The following GAS7 variants were observed in gnomAD, a reference collection of about 807,000 sequenced individuals.
GAS7 encodes the protein growth arrest-specific protein 7.
GAS7 carries 28 observed loss-of-function variants against 71.1 expected under a neutral mutation model. The observed-to-expected ratio is 0.39, with a 90% CI of 0.29 to 0.54. GAS7 has a LOEUF of 0.54. Among genes scored for constraint, GAS7 ranks in the 20% least tolerant of loss-of-function variants. The probability of loss-of-function intolerance (pLI) is 0.62; values close to 1 mark genes in which losing one functional copy is unlikely to be tolerated. For synonymous variants in GAS7, 258 were observed against 245.8 expected, an observed-to-expected ratio of 1.05 and a Z score of -0.46; for missense variants, 436 against 627.8, an observed-to-expected ratio of 0.69 and a Z score of 3.27.
At chr17:10,048,171 G>A (rs2152234129) in intron 1 of GAS7, among the ~76,000 whole-genome samples, 1 of 152,228 alleles carries the variant, frequency 6.6e-6, no homozygotes, top group Non-Finnish European at 1.5e-5. Context: ...GCATGGTGGT[G>A]CGCACCTGTA....
intron 1 of GAS7, among the ~76,000 whole-genome samples, chr17:10,126,573 C>T (rs956362470): frequency 6.0e-5 from 9 of 149,890 alleles, no homozygotes; most frequent in Non-Finnish European, 7.4e-5. Context: ...CACACACTCT[C>T]GAAAACACAC....
chr17:9,928,045 C>G (rs1261365417), intron 9 of GAS7, among the ~76,000 whole-genome samples: 1 of 152,116 alleles, frequency 6.6e-6, no homozygotes, highest in African/African-American at 2.4e-5. Context: ...TCCCACCCCC[C>G]TTTAAAAGAA....
intron 1 of GAS7, among the ~76,000 whole-genome samples, chr17:10,065,698 T>C (rs895188584): frequency 6.6e-6 from 1 of 152,196 alleles, no homozygotes; most frequent in African/African-American, 2.4e-5. Flanking sequence ...CTAAATAAAA[T>C]AACATTCCCA....
intron 1 of GAS7, among the ~76,000 whole-genome samples, chr17:10,089,071 G>A (rs948995837): frequency 1.3e-5 from 2 of 152,154 alleles, no homozygotes; most frequent in Non-Finnish European, 1.5e-5. Flanking sequence ...TGAGGCAGGA[G>A]AATCGCTTGA....
chr17:9,967,855 C>T (rs1414378348), intron 4 of GAS7, among the ~76,000 whole-genome samples: 2 of 152,184 alleles, frequency 1.3e-5, no homozygotes, highest in Non-Finnish European at 2.9e-5. Flanking sequence ...AGAACAGACA[C>T]TAGACAAGAC....
intron 2 of GAS7, among the ~76,000 whole-genome samples, chr17:9,995,037 C>T (rs1261311914): frequency 2.0e-5 from 3 of 152,170 alleles, no homozygotes; most frequent in African/African-American, 7.2e-5. Context: ...TCCCTGTGCT[C>T]CTTGTCAATT....
rs568367430 is a variant in GAS7 at position 10,161,560 on chromosome 17, G to A, written c.183+36648C>T. On this transcript the variant is annotated intron_variant, in intron 1 of 13. Coordinates refer to ENST00000432992, the MANE Select transcript of GAS7 (RefSeq NM_201433.2). ...ACCATGTCAACGGGAAAGGAAGGTCGCAGACTTTGAACTTGAGCTTCCTGC... is the reference window on the plus strand; with the variant it reads ...ACCATGTCAACGGGAAAGGAAGGTCACAGACTTTGAACTTGAGCTTCCTGC... 9.8e-5 allele frequency among the ~76,000 whole-genome samples: 15 copies of A among 152,294 alleles called. No homozygotes were observed. The South Asian group carries it at 2.7e-3, about 27-fold the overall frequency.
intron 1 of GAS7, among the ~76,000 whole-genome samples, chr17:10,185,980 G>T (rs573504201): frequency 9.0e-5 from 13 of 144,604 alleles, no homozygotes; most frequent in Non-Finnish European, 1.8e-4. Context: ...TTTGGAGACG[G>T]AGTCTCGCTC....
At chr17:10,035,450 G>C (rs554243912) in intron 1 of GAS7, among the ~76,000 whole-genome samples, 1 of 152,334 alleles carries the variant, frequency 6.6e-6, no homozygotes, top group East Asian at 1.9e-4. Context: ...CACTGCTGTG[G>C]ACGGTCCTAG....
At chr17:9,939,856 C>A (rs1004541407) in intron 8 of GAS7, among the ~76,000 whole-genome samples, 4 of 152,180 alleles carry the variant, frequency 2.6e-5, no homozygotes, top group African/African-American at 9.7e-5. Context: ...GATCCACCCG[C>A]CTCGGCCTCC....
intron 1 of GAS7, among the ~76,000 whole-genome samples, chr17:10,176,157 C>A (rs937694235): frequency 6.6e-6 from 1 of 152,222 alleles, no homozygotes; most frequent in Admixed American, 6.5e-5. Context: ...GCTCTTACTG[C>A]AAATGATTAA....
chr17:10,132,707 G>A (rs2074006555), intron 1 of GAS7, among the ~76,000 whole-genome samples: 2 of 152,018 alleles, frequency 1.3e-5, no homozygotes, highest in South Asian at 4.1e-4. Context: ...GGCGGAGGGT[G>A]CAGTGAGCCA....
intron 1 of GAS7, among the ~76,000 whole-genome samples, chr17:10,072,260 G>T (rs1597773474): frequency 6.6e-6 from 1 of 152,258 alleles, no homozygotes; most frequent in East Asian, 1.9e-4. Flanking sequence ...GACACTATCT[G>T]CCCCGATACC....
chr17:10,095,655 T>A (rs1317262655), intron 1 of GAS7, among the ~76,000 whole-genome samples: 4 of 151,500 alleles, frequency 2.6e-5, no homozygotes, highest in Non-Finnish European at 5.9e-5. Flanking sequence ...CCCTGTCTCT[T>A]CCAAAAATAC....
intron 1 of GAS7, among the ~76,000 whole-genome samples, chr17:10,183,686 C>A (rs529269405): frequency 7.7e-4 from 117 of 152,194 alleles, no homozygotes; most frequent in South Asian, 2.7e-3. Context: ...AAACAAAATA[C>A]AAAAAATTAG....
At position 9,919,421 on chromosome 17, in the gene GAS7, T is replaced by A. The variant is rs2067712302; in HGVS notation, c.1218+205A>T. ...CATATCCAACCCAACCCTGCCCACA[T>A]CCACACAGCTAGGAAGCGCTGGAGC... On this transcript the variant is annotated intron_variant, in intron 12 of 13. Transcript: ENST00000432992. The surrounding 1 kb of genome is among the most constrained non-coding windows in gnomAD (Gnocchi z 5.0). Among the ~76,000 whole-genome samples the A allele has an allele frequency of 1.3e-5, 2 of 152,016 alleles. No homozygotes were observed. The highest frequency in any genetic ancestry group is 4.2e-4 in the South Asian group (2 of 4,816).
chr17:10,184,802 T>C (rs1425913056), intron 1 of GAS7, among the ~76,000 whole-genome samples: 1 of 152,192 alleles, frequency 6.6e-6, no homozygotes, highest in Non-Finnish European at 1.5e-5. Flanking sequence ...ATAGCCCAGG[T>C]TGGAGCTGGT....
At chr17:9,967,590 A>G (rs985923735) in intron 4 of GAS7, among the ~76,000 whole-genome samples, 1 of 150,730 alleles carries the variant, frequency 6.6e-6, no homozygotes, top group African/African-American at 2.5e-5. Context: ...AATAAGACTG[A>G]CTATATATGC....
intron 1 of GAS7, among the ~76,000 whole-genome samples, chr17:10,140,446 G>A (rs538165262): frequency 1.3e-5 from 2 of 152,092 alleles, no homozygotes; most frequent in African/African-American, 4.8e-5. Flanking sequence ...GTGACAGGGC[G>A]AGACCCTGTC....
Sources: allele counts gnomAD v4.1 joint callset (sites outside exome capture counted in the v4.1 genomes callset), GRCh38; gene constraint gnomAD v4.1.1; non-coding constraint Gnocchi (gnomAD v3.1); transcripts MANE v1.5; gene names NCBI Gene and HGNC (gene_info 2026-07-23, HGNC 2026-07-21).